AOPEP: variants seen among roughly 807,000 people sequenced by gnomAD.
The protein encoded by AOPEP is aminopeptidase O (putative).
AOPEP carries 77 observed loss-of-function variants against 98.1 expected under a neutral mutation model. The observed-to-expected ratio is 0.78, with a 90% CI of 0.65 to 0.95. AOPEP has a LOEUF of 0.95. AOPEP is among the 40% of genes least tolerant of loss of function. The pLI is 0.00. For synonymous variants in AOPEP, 346 were observed against 365.3 expected (o/e 0.95, Z 0.60); for missense variants, 1,024 against 1,024.7 (o/e 1.00, Z 0.01).
At chr9:94,834,462 G>T (rs989866891) in intron 5 of AOPEP, among the ~76,000 whole-genome samples, 62 of 152,252 alleles carry the variant, frequency 4.1e-4, no homozygotes, top group African/African-American at 1.4e-3. Context: ...TATTATTTAA[G>T]GTACAAGAAT....
At chr9:94,750,756 C>CT (rs536762614) in intron 1 of AOPEP, among the ~76,000 whole-genome samples, 10,789 of 130,860 alleles carry the variant, frequency 0.082, 677 homozygotes, top group South Asian at 0.11. Context: ...TCTTTTCTTT[C>CT]TTTTTTTTTT....
At chr9:94,794,362 A>G (rs1293492294) in intron 4 of AOPEP, among the ~76,000 whole-genome samples, 1 of 152,176 alleles carries the variant, frequency 6.6e-6, no homozygotes, top group Admixed American at 6.5e-5. Flanking sequence ...TCTGGTGGAG[A>G]AAGCCCAGGG....
At chr9:94,909,360 AAAAAAAAAAGAATGAGAAAATTTG>A (rs1436410217) in intron 5 of AOPEP, among the ~76,000 whole-genome samples, 3 of 151,540 alleles carry the variant, frequency 2.0e-5, no homozygotes, top group African/African-American at 7.3e-5. Context: ...AAAAAAAAAA[AAAAAAAAAAGAATGAGAAAATTTG>A]AAAACAATTA....
At chr9:94,732,296 C>G (rs1830735617) in intron 1 of AOPEP, among the ~76,000 whole-genome samples, 1 of 150,270 alleles carries the variant, frequency 6.7e-6, no homozygotes, top group African/African-American at 2.5e-5. Context: ...CATTATTCAT[C>G]AAGTAAGAAT....
the AOPEP span, chr9:95,111,650 C>A: frequency 7.4e-6 from 12 of 1,613,996 alleles, no homozygotes; most frequent in African/African-American, 1.6e-4. Flanking sequence ...GGAACAGAGG[C>A]AGAACACATG....
intron 10 of AOPEP, among the ~76,000 whole-genome samples, chr9:94,971,649 G>T (rs1319800594): frequency 6.6e-6 from 1 of 152,186 alleles, no homozygotes; most frequent in African/African-American, 2.4e-5. Context: ...GTGTTCAGGG[G>T]CCGGCACTCT....
intron 13 of AOPEP, among the ~76,000 whole-genome samples, chr9:95,014,146 CAACATGGCAA>C (rs1306143399): frequency 1.3e-5 from 2 of 152,080 alleles, no homozygotes; most frequent in Non-Finnish European, 2.9e-5. Context: ...ACAGCCTGAG[CAACATGGCAA>C]AACCTTATCT....
At chr9:95,068,653 G>T (rs1445761172) in intron 14 of AOPEP, among the ~76,000 whole-genome samples, 2 of 152,182 alleles carry the variant, frequency 1.3e-5, no homozygotes, top group South Asian at 4.1e-4. Context: ...GAAGTCCAGT[G>T]TATCTCCTTT....
chr9:94,761,590 A>C (rs191496720), intron 2 of AOPEP, among the ~76,000 whole-genome samples: 42 of 152,144 alleles, frequency 2.8e-4, no homozygotes, highest in Admixed American at 4.6e-4. Flanking sequence ...ATCCCCCAAA[A>C]CACCTTGCAG....
At chr9:95,054,681 C>T (rs2066673600) in intron 13 of AOPEP, among the ~76,000 whole-genome samples, 1 of 152,140 alleles carries the variant, frequency 6.6e-6, no homozygotes, top group African/African-American at 2.4e-5. Context: ...TTGTAGTAAT[C>T]TTTTTGAACT....
intron 5 of AOPEP, among the ~76,000 whole-genome samples, chr9:94,853,494 A>G (rs114043871): frequency 0.012 from 1,771 of 152,272 alleles, 34 homozygotes; most frequent in African/African-American, 0.041. Flanking sequence ...CAGTCCATTC[A>G]GTCTCACCTC....
At chr9:94,785,653 C>G (rs10993344) in intron 3 of AOPEP, among the ~76,000 whole-genome samples, 58,935 of 152,074 alleles carry the variant, frequency 0.39, 12,100 homozygotes, top group East Asian at 0.51. Flanking sequence ...CTAATGAATC[C>G]CGACCTGGCT....
At chr9:95,075,854 G>C (rs988237628) in intron 14 of AOPEP, among the ~76,000 whole-genome samples, 1 of 152,202 alleles carries the variant, frequency 6.6e-6, no homozygotes, top group Non-Finnish European at 1.5e-5. Context: ...CTGGATGACC[G>C]AACGACACCC....
intron 5 of AOPEP, among the ~76,000 whole-genome samples, chr9:94,906,149 C>G (rs948019897): frequency 4.0e-5 from 6 of 151,720 alleles, no homozygotes; most frequent in Non-Finnish European, 8.8e-5. Flanking sequence ...CAAGACCAGT[C>G]TGGTCAATAT....
chr9:95,004,929 TGCCC>T (rs1051464937), intron 11 of AOPEP: 2 of 140,436 alleles, frequency 1.4e-5, no homozygotes, highest in South Asian at 2.4e-4. Context: ...CCCCGCTCGG[TGCCC>T]GCCCGCCCGC....
At chr9:95,111,089 G>A in the AOPEP span, 27 of 1,516,610 alleles carry the variant, frequency 1.8e-5, no homozygotes, top group Admixed American at 4.0e-5. Flanking sequence ...GGCCCTGGCT[G>A]TGGCCAGGCT....
intron 7 of AOPEP, chr9:94,932,009 A>G (rs768243566): frequency 5.8e-6 from 7 of 1,210,594 alleles, no homozygotes; most frequent in Non-Finnish European, 7.3e-6. Context: ...AGACTGAATA[A>G]CGTGTCTAAC....
chr9:95,100,080 T>C, the AOPEP span: 1 of 232,338 alleles, frequency 4.3e-6, no homozygotes, highest in Non-Finnish European at 8.5e-6. Context: ...AAGTTCTGGC[T>C]TAAAGTCAGA....
intron 1 of AOPEP, among the ~76,000 whole-genome samples, chr9:94,732,335 G>C (rs1484820520): frequency 6.6e-6 from 1 of 151,146 alleles, no homozygotes; most frequent in African/African-American, 2.4e-5. Context: ...CTTTTACAAA[G>C]CATTAAAAAC....
Sources: gnomAD v4.1 joint callset for allele counts (sites outside exome capture counted in the v4.1 genomes callset) on GRCh38, gnomAD v4.1.1 for gene constraint, MANE v1.5 for transcripts, NCBI Gene and HGNC (gene_info 2026-07-23, HGNC 2026-07-21) for gene names.